Variants in SLC2A13 observed in about 807,000 individuals in gnomAD.
SLC2A13 encodes the protein proton myo-inositol cotransporter.
Under a neutral mutation model 64.4 loss-of-function variants are expected in SLC2A13, and 32 were observed. The ratio of observed to expected loss-of-function variants is 0.50; its 90% CI spans 0.37 to 0.67. The LOEUF is 0.67. SLC2A13 is among the 30% of genes least tolerant of loss of function. The pLI, the probability that SLC2A13 is intolerant of heterozygous loss-of-function variation, is 0.00. For synonymous variants in SLC2A13, 338 were observed against 327.1 expected (o/e 1.03, Z -0.36); for missense variants, 743 against 829.2 (o/e 0.90, Z 1.28).
At chr12:40,074,149 T>C (rs1299619730) in intron 1 of SLC2A13, among the ~76,000 whole-genome samples, 3 of 146,010 alleles carry the variant, frequency 2.1e-5, no homozygotes, top group Non-Finnish European at 4.5e-5. Context: ...TCCAGTCTAT[T>C]AAAGCCCATC....
At chr12:39,936,475 G>C (rs1158481691) in intron 4 of SLC2A13, among the ~76,000 whole-genome samples, 1 of 152,158 alleles carries the variant, frequency 6.6e-6, no homozygotes, top group Non-Finnish European at 1.5e-5. Context: ...TCTAGTTTCT[G>C]ATTTCAACCC....
chr12:39,804,748 G>C (rs997965887), intron 7 of SLC2A13, among the ~76,000 whole-genome samples: 3 of 152,056 alleles, frequency 2.0e-5, no homozygotes, highest in African/African-American at 7.2e-5. Flanking sequence ...GTCTAGAATG[G>C]AGCTTACATT....
intron 4 of SLC2A13, among the ~76,000 whole-genome samples, chr12:39,906,995 T>G (rs1390795198): frequency 6.6e-6 from 1 of 152,154 alleles, no homozygotes; most frequent in South Asian, 2.1e-4. Flanking sequence ...TTAGATTTTT[T>G]CCAGTGTATA....
At chr12:39,875,970 G>T (rs969105437) in intron 4 of SLC2A13, among the ~76,000 whole-genome samples, 1 of 152,102 alleles carries the variant, frequency 6.6e-6, no homozygotes, top group African/African-American at 2.4e-5. Context: ...ATGCATAAAA[G>T]AACAATATGA....
At chr12:39,785,377 A>G (rs1312218516) in intron 7 of SLC2A13, among the ~76,000 whole-genome samples, 1 of 152,210 alleles carries the variant, frequency 6.6e-6, no homozygotes, top group Admixed American at 6.5e-5. Context: ...TGTGGCGTTG[A>G]GCCTGTGGGT....
At chr12:40,060,499 T>C (rs1383671358) in intron 1 of SLC2A13, among the ~76,000 whole-genome samples, 1 of 152,146 alleles carries the variant, frequency 6.6e-6, no homozygotes, top group Non-Finnish European at 1.5e-5. Flanking sequence ...TGGGTTGTTT[T>C]TTTGCTTTAG....
intron 4 of SLC2A13, among the ~76,000 whole-genome samples, chr12:39,877,502 C>T (rs892734486): frequency 3.3e-5 from 5 of 152,102 alleles, no homozygotes; most frequent in Admixed American, 2.0e-4. Flanking sequence ...ACAGCCAAAC[C>T]GTATCAATAA....
At chr12:40,101,568 C>G (rs1039807684) in intron 1 of SLC2A13, among the ~76,000 whole-genome samples, 4 of 152,074 alleles carry the variant, frequency 2.6e-5, no homozygotes, top group Non-Finnish European at 5.9e-5. Context: ...AATGGGAAAA[C>G]AAAAACCCTC....
intron 4 of SLC2A13, among the ~76,000 whole-genome samples, chr12:39,931,502 A>T (rs557873940): frequency 6.6e-6 from 1 of 152,278 alleles, no homozygotes; most frequent in Admixed American, 6.5e-5. Flanking sequence ...TTCTACTCTC[A>T]TCTGGAGCTG....
chr12:40,063,703 C>T (rs941215041), intron 1 of SLC2A13, among the ~76,000 whole-genome samples: 1 of 152,078 alleles, frequency 6.6e-6, no homozygotes, highest in South Asian at 2.1e-4. Flanking sequence ...AAGAATGACT[C>T]CAACAAGAAA....
At chr12:39,995,311 C>T (rs1032642520) in intron 3 of SLC2A13, among the ~76,000 whole-genome samples, 1 of 152,124 alleles carries the variant, frequency 6.6e-6, no homozygotes, top group Non-Finnish European at 1.5e-5. Context: ...TTTCTTCTAG[C>T]TATTTCAAAA....
intron 6 of SLC2A13, among the ~76,000 whole-genome samples, chr12:39,864,268 A>T (rs1046220485): frequency 4.6e-5 from 7 of 152,138 alleles, no homozygotes; most frequent in Non-Finnish European, 1.0e-4. Flanking sequence ...TTACTTCCTG[A>T]TCCTCTGAAA....
In SLC2A13 at chr12:39,936,150, A is replaced by G. The variant is rs772141633; in HGVS notation, c.1034+15107T>C. Among the ~76,000 whole-genome samples, 9 of 152,348 alleles carry G rather than the reference A, an allele frequency of 5.9e-5. No individual in the cohort carries two copies. In the South Asian group the frequency reaches 8.3e-4, roughly 14 times the overall value. On this transcript the variant is annotated intron_variant, in intron 4 of 9. Transcript: ENST00000280871. ...TAGAGGCAGAGATAACCAAGGCTCAATTGAGGAAGTTGAGATTTAAGGCAG... is the reference window on the plus strand; with the variant it reads ...TAGAGGCAGAGATAACCAAGGCTCAGTTGAGGAAGTTGAGATTTAAGGCAG...
At chr12:39,940,780 G>A (rs532579303) in intron 4 of SLC2A13, among the ~76,000 whole-genome samples, 10 of 151,720 alleles carry the variant, frequency 6.6e-5, no homozygotes, top group Non-Finnish European at 1.2e-4. Flanking sequence ...AACTTCTTTA[G>A]TGGTGATTTG....
At chr12:40,096,842 T>A (rs989642982) in intron 1 of SLC2A13, among the ~76,000 whole-genome samples, 1 of 152,190 alleles carries the variant, frequency 6.6e-6, no homozygotes, top group Non-Finnish European at 1.5e-5. Flanking sequence ...TGTGAAATTC[T>A]AGAAAGTATC....
chr12:39,801,418 C>A (rs1266212730), intron 7 of SLC2A13, among the ~76,000 whole-genome samples: 3 of 149,868 alleles, frequency 2.0e-5, no homozygotes, highest in Non-Finnish European at 4.4e-5. Flanking sequence ...AAGCAAACAG[C>A]CATAAACAAA....
chr12:39,848,967 A>G (rs1199823843), intron 6 of SLC2A13, among the ~76,000 whole-genome samples: 2 of 152,160 alleles, frequency 1.3e-5, no homozygotes, highest in Admixed American at 6.5e-5. Context: ...TGGGAGCTAA[A>G]TGATAAGAAC....
chr12:39,946,525 G>A (rs1565555582), intron 4 of SLC2A13, among the ~76,000 whole-genome samples: 1 of 152,172 alleles, frequency 6.6e-6, no homozygotes, highest in African/African-American at 2.4e-5. Context: ...CTCCTTGGGC[G>A]GGTCTTGCTG....
At chr12:39,871,650 CT>C in intron 5 of SLC2A13, 147 bp downstream of exon 5, 3 of 637,528 alleles carry the variant, frequency 4.7e-6, no homozygotes, top group Non-Finnish European at 4.6e-6. Flanking sequence ...TTTTTTTTTT[CT>C]TTTTTGGTCT....
Sources: gnomAD v4.1 joint callset for allele counts (sites outside exome capture counted in the v4.1 genomes callset) on GRCh38, gnomAD v4.1.1 for gene constraint, MANE v1.5 for transcripts, NCBI Gene and HGNC (gene_info 2026-07-23, HGNC 2026-07-21) for gene names.